The following ADAMTS20 variants were observed in gnomAD, a reference collection of about 807,000 sequenced individuals.
ADAMTS20 encodes ADAM metallopeptidase with thrombospondin type 1 motif 20, also known as A disintegrin and metalloproteinase with thrombospondin motifs 20.
ADAMTS20 carries 225 observed loss-of-function variants against 260.1 expected under a neutral mutation model. The observed-to-expected ratio is 0.87, with a 90% CI of 0.78 to 0.97. The LOEUF is 0.97. ADAMTS20 is among the 50% of genes least tolerant of loss of function. The pLI is 0.00. For synonymous variants in ADAMTS20, 802 were observed against 769.5 expected (o/e 1.04, Z -0.70); for missense variants, 2,400 against 2,337.7 (o/e 1.03, Z -0.55).
At chr12:43,400,067 A>C (rs1187298905) in intron 28 of ADAMTS20, among the ~76,000 whole-genome samples, 1 of 152,074 alleles carries the variant, frequency 6.6e-6, no homozygotes, top group Non-Finnish European at 1.5e-5. Context: ...AGATTAACAT[A>C]AGATAAAGAA....
At chr12:43,409,414 A>T (rs991340480) in intron 28 of ADAMTS20, among the ~76,000 whole-genome samples, 23 of 151,358 alleles carry the variant, frequency 1.5e-4, no homozygotes, top group African/African-American at 5.6e-4. Context: ...CATCCCGGCT[A>T]AAACGGTGAA....
In ADAMTS20 at chr12:43,470,277, C is replaced by G. The variant is rs565460192; in HGVS notation, c.1118-1572G>C. ...TTTCAATTTGCCAAATTACACAATT[C>G]CAATATTTTCATTTTTAGCACTATG... is the stretch of plus-strand genomic sequence containing the variant. On this transcript the variant is annotated intron_variant, in intron 7 of 38. Coordinates refer to ENST00000389420, the MANE Select transcript of ADAMTS20 (RefSeq NM_025003.5). Among the ~76,000 whole-genome samples, 6 of 152,264 alleles carry G rather than the reference C, an allele frequency of 3.9e-5. No homozygotes were observed. The South Asian group carries it at 1.2e-3, about 32-fold the overall frequency.
intron 28 of ADAMTS20, among the ~76,000 whole-genome samples, chr12:43,409,735 C>G (rs1051236487): frequency 5.3e-5 from 8 of 151,088 alleles, no homozygotes; most frequent in Non-Finnish European, 1.0e-4. Context: ...AACAAATTTT[C>G]CCAACACAAA....
At chr12:43,495,253 A>G (rs1431986134) in intron 4 of ADAMTS20, among the ~76,000 whole-genome samples, 1 of 152,208 alleles carries the variant, frequency 6.6e-6, no homozygotes. Flanking sequence ...ATATCCTTGA[A>G]TGTAACACTA....
At position 43,354,013 on chromosome 12, in the gene ADAMTS20, T is replaced by A. The variant is rs1939689674; in HGVS notation, c.*196A>T. ...ATATCCTGATTAGATATAAAATAAA[T>A]TAAGATAGCTCTTAAATTTCTTTTA... is the stretch of plus-strand genomic sequence containing the variant. On this transcript the variant is annotated 3_prime_UTR_variant, in exon 39 of 39. Coordinates refer to ENST00000389420, the MANE Select transcript of ADAMTS20 (RefSeq NM_025003.5). 2.5e-6 allele frequency: 1 copy of A among 399,140 alleles called. No individual in the cohort carries two copies. Among genetic ancestry groups the A allele is most frequent in the Non-Finnish European group, 4.5e-6 (1 of 223,242 alleles). 24.7% of individuals were successfully genotyped at this position (399,140 alleles called of 1,614,324 possible).
At chr12:43,369,483 TTATA>T in intron 36 of ADAMTS20, 102 bp from the exon 37 acceptor site, 5 of 445,714 alleles carry the variant, frequency 1.1e-5, no homozygotes, top group Non-Finnish European at 1.7e-5. Flanking sequence ...ATATACATAT[TTATA>T]TATTAATTTT....
At chr12:43,501,479 G>GCACACACACACACACA (rs746038595) in intron 4 of ADAMTS20, among the ~76,000 whole-genome samples, 86 of 67,120 alleles carry the variant, frequency 1.3e-3, no homozygotes, top group East Asian at 5.5e-3. Context: ...GCGCGCGCGC[G>GCACACACACACACACA]CGCACACACA....
intron 28 of ADAMTS20, among the ~76,000 whole-genome samples, chr12:43,408,692 G>T (rs1295506081): frequency 7.9e-5 from 12 of 152,006 alleles, no homozygotes; most frequent in Admixed American, 7.9e-4. Flanking sequence ...AAAAGCTGAG[G>T]GGAGAATGTT....
chr12:43,474,064 A>C (rs1942309504), intron 7 of ADAMTS20, among the ~76,000 whole-genome samples: 1 of 151,990 alleles, frequency 6.6e-6, no homozygotes, highest in South Asian at 2.1e-4. Context: ...GTTTTTTGAA[A>C]GGATCAACAA....
At chr12:43,420,818 T>TTTTTTTTTTTTTTTTTTTTTTTTTTTTC (rs1941216343) in intron 28 of ADAMTS20, among the ~76,000 whole-genome samples, 1 of 131,216 alleles carries the variant, frequency 7.6e-6, no homozygotes, top group Non-Finnish European at 1.6e-5. Context: ...TTTTTTTTTT[T>TTTTTTTTTTTTTTTTTTTTTTTTTTTTC]TTTTTTTGAG....
chr12:43,455,564 A>C (rs778565432), intron 11 of ADAMTS20, among the ~76,000 whole-genome samples: 11 of 152,232 alleles, frequency 7.2e-5, no homozygotes, highest in Non-Finnish European at 1.6e-4. Context: ...TAGTCTTATC[A>C]AACAGGCCCC....
At chr12:43,357,713 G>C (rs910563909) in intron 37 of ADAMTS20, among the ~76,000 whole-genome samples, 3 of 152,118 alleles carry the variant, frequency 2.0e-5, no homozygotes, top group Non-Finnish European at 4.4e-5. Flanking sequence ...TGAACTCTAT[G>C]TCAGTTTCAT....
chr12:43,499,491 T>G (rs1388355202), intron 4 of ADAMTS20, among the ~76,000 whole-genome samples: 1 of 149,842 alleles, frequency 6.7e-6, no homozygotes, highest in Non-Finnish European at 1.5e-5. Context: ...TACTGATTTT[T>G]TTTTTTTTTT....
intron 18 of ADAMTS20, among the ~76,000 whole-genome samples, chr12:43,435,697 A>G (rs551062907): frequency 7.4e-6 from 1 of 135,070 alleles, no homozygotes; most frequent in Non-Finnish European, 1.6e-5. Context: ...AAAAGTCTAT[A>G]AAAAAAAAAA....
chr12:43,430,585 T>A lies in ADAMTS20; in HGVS notation c.3262-114A>T, dbSNP rs1941424069. The A allele has an allele frequency of 3.1e-6, 3 of 977,552 alleles. No individual in the cohort carries two copies. In the South Asian group the frequency reaches 8.4e-5, roughly 27 times the overall value. 60.6% of individuals were successfully genotyped at this position (977,552 alleles called of 1,614,324 possible). ...ATACTTTTAATAATCTTTTTATCAA[T>A]CCTTTATACTAGATTTAAGACTTAA... On this transcript the variant is annotated intron_variant, in intron 22 of 38. Coordinates refer to ENST00000389420, the MANE Select transcript of ADAMTS20 (RefSeq NM_025003.5).
At chr12:43,400,304 AT>A (rs1252660195) in intron 28 of ADAMTS20, among the ~76,000 whole-genome samples, 3 of 152,022 alleles carry the variant, frequency 2.0e-5, no homozygotes, top group Non-Finnish European at 4.4e-5. Flanking sequence ...CACATTATGC[AT>A]TTTATGCATA....
In ADAMTS20 at chr12:43,492,508, G is replaced by A. The variant is rs1327255378; in HGVS notation, c.1073C>T (p.Thr358Ile). 8.1e-6 allele frequency: 13 copies of A among 1,613,668 alleles called. No individual in the cohort carries two copies. The Admixed American group carries it at 2.2e-4, about 27-fold the overall frequency. Reference sequence around the variant, plus strand: ...AGGGTTATTTCTATAATCATACCTAGTGATAAGAACAGCAGTGTCATGGTG... The same window carrying A: ...AGGGTTATTTCTATAATCATACCTAATGATAAGAACAGCAGTGTCATGGTG... ...PSHHDTAVLITREDICSSKEK... is the reference protein window; with the variant it reads ...PSHHDTAVLIIREDICSSKEK... Residue 358 changes from threonine (T) to isoleucine (I), a missense_variant, in exon 6 of 39, where the codon ACT becomes ATT. By Grantham distance (89) the Thr-to-Ile change is moderately conservative (BLOSUM62 -1). Transcript: ENST00000389420.
chr12:43,475,472 C>G (rs1942336196), intron 7 of ADAMTS20, among the ~76,000 whole-genome samples: 1 of 146,272 alleles, frequency 6.8e-6, no homozygotes, highest in Non-Finnish European at 1.5e-5. Context: ...CCTTTCTTCA[C>G]AGAATTGGAA....
chr12:43,500,929 T>C (rs1274221859), intron 4 of ADAMTS20, among the ~76,000 whole-genome samples: 4 of 152,180 alleles, frequency 2.6e-5, no homozygotes, highest in South Asian at 2.1e-4. Context: ...CAATATCCTA[T>C]AGATATGCCC....
Sources: gnomAD v4.1 joint callset for allele counts (sites outside exome capture counted in the v4.1 genomes callset) on GRCh38, gnomAD v4.1.1 for gene constraint, MANE v1.5 for transcripts, NCBI Gene and HGNC (gene_info 2026-07-23, HGNC 2026-07-21) for gene names.